Variants in MEGF8 observed in about 807,000 individuals in gnomAD.
MEGF8 encodes multiple epidermal growth factor-like domains protein 8.
Under a neutral mutation model 302.9 loss-of-function variants are expected in MEGF8, and 156 were observed. The observed-to-expected ratio is 0.52, with a 90% CI of 0.45 to 0.59. The LOEUF (loss-of-function observed/expected upper bound fraction) is 0.59. Ranked by LOEUF, MEGF8 falls within the 20% of genes least tolerant of loss-of-function variation. The probability of loss-of-function intolerance (pLI) is 0.00; values close to 1 mark genes in which losing one functional copy is unlikely to be tolerated. For synonymous variants in MEGF8, 1,621 were observed against 1,660.5 expected (o/e 0.98, Z 0.58); for missense variants, 3,345 against 3,964.5 (o/e 0.84, Z 4.20).
chr19:42,333,830 G>C (rs1158893662), intron 2 of MEGF8, 62 bp downstream of exon 2: 1 of 1,592,322 alleles, frequency 6.3e-7, no homozygotes, highest in African/African-American at 1.3e-5. Context: ...AGGAGGGACA[G>C]AGAGTCAGTA....
intron 30 of MEGF8, 63 bp downstream of exon 30, chr19:42,359,017 G>C (rs1213567890): frequency 1.0e-5 from 16 of 1,564,772 alleles, no homozygotes; most frequent in Non-Finnish European, 1.3e-5. Context: ...GGGAAGTACA[G>C]GGGTGGCTGG....
rs2039337528 is a variant in MEGF8, at chr19:42,349,487, C to G, written c.2299-12C>G. On this transcript the variant is annotated splice_polypyrimidine_tract_variant and intron_variant, in intron 13 of 41. Coordinates refer to ENST00000251268, the MANE Select transcript of MEGF8 (RefSeq NM_001271938.2). ...TTCTGAGGCCCCTGCCTATCACTCA[C>G]ACCTACCCCAGGAGGAGGTGGGGCG... 6.2e-7 allele frequency: 1 copy of G among 1,608,470 alleles called. No homozygotes were observed. The highest frequency in any genetic ancestry group is 1.3e-5 in the African/African-American group (1 of 74,792).
chr19:42,331,505 A>G (rs1357550448), intron 1 of MEGF8, among the ~76,000 whole-genome samples: 1 of 152,194 alleles, frequency 6.6e-6, no homozygotes, highest in African/African-American at 2.4e-5. Flanking sequence ...CTGGCAGAGA[A>G]TAAGACAGTG....
chr19:42,348,065 G>A (rs1029186906), intron 12 of MEGF8, among the ~76,000 whole-genome samples: 1 of 152,196 alleles, frequency 6.6e-6, no homozygotes, highest in African/African-American at 2.4e-5. Flanking sequence ...GGTGGGCTCT[G>A]GGACCCTGTC....
intron 9 of MEGF8, 145 bp downstream of exon 9, chr19:42,343,776 G>A (rs982595590): frequency 7.4e-7 from 1 of 1,359,210 alleles, no homozygotes; most frequent in Non-Finnish European, 9.8e-7. Context: ...GGTCCCTGGG[G>A]CAGAGGAAAG....
chr19:42,326,382 G>T lies in MEGF8; in HGVS notation c.139G>T (p.Gly47Cys), dbSNP rs1175690557. The T allele has an allele frequency of 6.3e-7, 1 of 1,583,490 alleles. No homozygotes were observed. The highest frequency in any genetic ancestry group is 8.6e-7 in the Non-Finnish European group (1 of 1,167,820). ...GGAGGCGCCAGGCTTCGTGACGGATGGTGCGGGCAACTACAGCGTCAATGG... is the reference window on the plus strand; with the variant it reads ...GGAGGCGCCAGGCTTCGTGACGGATTGTGCGGGCAACTACAGCGTCAATGG... ...LREAPGFVTD[G>C]AGNYSVNGNC... Residue 47 changes from glycine to cysteine, a missense_variant, in exon 1 of 42, where the codon GGT becomes TGT. By Grantham distance (159) the Gly-to-Cys change is radical (BLOSUM62 -3). Coordinates refer to ENST00000251268, the MANE Select transcript of MEGF8 (RefSeq NM_001271938.2).
chr19:42,328,482 G>T (rs1396985501), intron 1 of MEGF8, among the ~76,000 whole-genome samples: 1 of 152,038 alleles, frequency 6.6e-6, no homozygotes, highest in Non-Finnish European at 1.5e-5. Context: ...ATGGATGAAG[G>T]CCTGTTTCTC....
At position 42,368,794 on chromosome 19, in the gene MEGF8, G is replaced by A. The variant is rs1281661899; in HGVS notation, c.6482-49G>A. The A allele has an allele frequency of 6.3e-7, 1 of 1,590,620 alleles. No individual in the cohort carries two copies. ...GCAGGAGGGAGGGCCTAGGCAACTG[G>A]GGCAGGTGGTACAGAGGTCCAGGTA... is the stretch of plus-strand genomic sequence containing the variant. On this transcript the variant is annotated intron_variant, in intron 36 of 41. Transcript: ENST00000251268. This position sits in a 1 kb window ranked among gnomAD's most constrained non-coding sequence, Gnocchi z 4.9.
At chr19:42,370,983 G>A (rs1284206239) in intron 40 of MEGF8, among the ~76,000 whole-genome samples, 152 bp downstream of exon 40, 1 of 149,504 alleles carries the variant, frequency 6.7e-6, no homozygotes. Flanking sequence ...CGCCCAGGCT[G>A]GGGTCAGGGT....
chr19:42,351,402 G>A lies in MEGF8; in HGVS notation c.2856-27G>A. ...TGGGGATGTGTGCTGGCTGTGGAGTGACCTGGCCCCCTGCTCCCCACCCCA... is the reference window on the plus strand; with the variant it reads ...TGGGGATGTGTGCTGGCTGTGGAGTAACCTGGCCCCCTGCTCCCCACCCCA... On this transcript the variant is annotated intron_variant, in intron 16 of 41. Transcript: ENST00000251268. This position sits in a 1 kb window ranked among gnomAD's most constrained non-coding sequence, Gnocchi z 5.6. 1.9e-6 allele frequency: 3 copies of A among 1,581,270 alleles called. No individual in the cohort carries two copies. The highest frequency in any genetic ancestry group is 2.6e-6 in the Non-Finnish European group (3 of 1,164,060).
At chr19:42,348,745 G>A (rs1448643667) in intron 13 of MEGF8, among the ~76,000 whole-genome samples, 1 of 152,180 alleles carries the variant, frequency 6.6e-6, no homozygotes, top group Non-Finnish European at 1.5e-5. Flanking sequence ...GATTACAGAT[G>A]TGCATCAGCA....
chr19:42,348,024 G>A (rs529761101), intron 12 of MEGF8, among the ~76,000 whole-genome samples: 1 of 152,358 alleles, frequency 6.6e-6, no homozygotes, highest in South Asian at 2.1e-4. Flanking sequence ...GTTTTAATGT[G>A]AGATGGAAAT....
At chr19:42,370,039 G>C (rs1017632511) in intron 38 of MEGF8, 150 bp from the exon 39 acceptor site, 1 of 897,550 alleles carries the variant, frequency 1.1e-6, no homozygotes, top group East Asian at 2.5e-5. Context: ...AGGGAAGGCG[G>C]GGGCTAAATC....
Position 42,334,086 on chromosome 19 carries a change from G to A in MEGF8, c.431G>A (p.Gly144Asp). 1 of 1,613,554 alleles carries A rather than the reference G, an allele frequency of 6.2e-7. No individual in the cohort carries two copies. ...NASFRFSLCPGGCQSHGQCQP... is the reference protein window; with the variant it reads ...NASFRFSLCPDGCQSHGQCQP... ...TCATTCCGCTTCTCCCTGTGCCCGG[G>A]TGGCTGCCAGAGCCACGGGCAGTGC... The change falls in exon 3 of 42, where the codon GGT becomes GAT. Residue 144 changes from glycine (G) to aspartate (D), a missense_variant. Physicochemically the swap from Gly to Asp is moderately conservative, Grantham distance 94. Coordinates refer to ENST00000251268, the MANE Select transcript of MEGF8 (RefSeq NM_001271938.2).
intron 40 of MEGF8, 24 bp downstream of exon 40, chr19:42,370,855 GGGGGGGGGGGGGGGGGGA>G (rs1568577146): frequency 2.3e-5 from 5 of 217,000 alleles, no homozygotes; most frequent in Non-Finnish European, 2.9e-5. Flanking sequence ...GGGGGGGGGG[GGGGGGGGGGGGGGGGGGA>G]GGCCGGGGAT....
chr19:42,355,116 C>T lies in MEGF8; in HGVS notation c.4144+396C>T, dbSNP rs374921415. Among the ~76,000 whole-genome samples, 30 of 152,224 alleles carry T rather than the reference C, an allele frequency of 2.0e-4. No individual in the cohort carries two copies. In the East Asian group the frequency reaches 4.4e-3, roughly 23 times the overall value. ...GGATTACAGGCGCATGCCACCATGCCTGGCTAATTTTTGTATTTTTAGTAG... is the reference window on the plus strand; with the variant it reads ...GGATTACAGGCGCATGCCACCATGCTTGGCTAATTTTTGTATTTTTAGTAG... On this transcript the variant is annotated intron_variant, in intron 23 of 41. Transcript: ENST00000251268.
Position 42,371,461 on chromosome 19 carries a change from T to G in MEGF8, c.7248T>G (p.Arg2416=). ...GCCAGGGCAGCTCCCCCAGTGACCG[T>G]CGAGACTGCTACAAGTACCAGGTGC... ...GTCQGSSPSD[R]RDCYKYQCAK... is the part of the protein sequence containing the mutation. The change falls in exon 41 of 42, where the codon CGT becomes CGG. Residue 2416 remains arginine, a synonymous_variant. Coordinates refer to ENST00000251268, the MANE Select transcript of MEGF8 (RefSeq NM_001271938.2). 6.2e-7 allele frequency: 1 copy of G among 1,613,796 alleles called. No individual in the cohort carries two copies. Among genetic ancestry groups the G allele is most frequent in the Non-Finnish European group, 8.5e-7 (1 of 1,179,852 alleles).
chr19:42,373,258 A>G (rs1436965772), intron 41 of MEGF8, among the ~76,000 whole-genome samples: 1 of 143,622 alleles, frequency 7.0e-6, no homozygotes, highest in Non-Finnish European at 1.5e-5. Context: ...ACCCCCCGCT[A>G]ATTTTTGTAT....
At chr19:42,334,246 G>T in intron 3 of MEGF8, 33 bp downstream of exon 3, 1 of 1,548,588 alleles carries the variant, frequency 6.5e-7, no homozygotes, top group Non-Finnish European at 8.7e-7. Context: ...TTCCCCTGGG[G>T]CCCTGATCTG....
Sources: allele counts gnomAD v4.1 joint callset (sites outside exome capture counted in the v4.1 genomes callset), GRCh38; gene constraint gnomAD v4.1.1; non-coding constraint Gnocchi (gnomAD v3.1); transcripts MANE v1.5; gene names NCBI Gene and HGNC (gene_info 2026-07-23, HGNC 2026-07-21).